AKR1C3: variants seen among roughly 807,000 people sequenced by gnomAD.
AKR1C3 encodes 3-alpha hydroxysteroid dehydrogenase, type II.
A neutral mutation model predicts 43.6 loss-of-function variants in AKR1C3; 48 were observed. The ratio of observed to expected loss-of-function variants is 1.10; its 90% CI spans 0.87 to 1.40. The LOEUF is 1.40. AKR1C3 is among the 40% of genes most tolerant of loss of function. The pLI is 0.00. For missense variants in AKR1C3, 482 were observed against 391.2 expected (o/e 1.23, Z -1.96); for synonymous variants, 162 against 139.6 (o/e 1.16, Z -1.13).
chr10:5,078,638 C>T (rs1180486340), intron 1 of AKR1C3, among the ~76,000 whole-genome samples: 1 of 152,078 alleles, frequency 6.6e-6, no homozygotes. Flanking sequence ...CCGACATATT[C>T]CTCAATATGA....
At chr10:5,106,832 A>G (rs1554787357) in intron 8 of AKR1C3, among the ~76,000 whole-genome samples, 1 of 152,122 alleles carries the variant, frequency 6.6e-6, no homozygotes, top group African/African-American at 2.4e-5. Context: ...GTGTGTGAAA[A>G]AGCATAAGTA....
Position 5,099,450 on chromosome 10 carries a change from G to C in AKR1C3, c.570+1G>C, listed in dbSNP as rs147205859. 1 of 1,614,032 alleles carries C rather than the reference G, an allele frequency of 6.2e-7. No individual in the cohort carries two copies. Among genetic ancestry groups the C allele is most frequent in the Non-Finnish European group, 8.5e-7 (1 of 1,180,024 alleles). Reference sequence around the variant, plus strand: ...CAAGTACAAGCCTGTCTGCAACCAGGTGAGCTCCCTTGGCCTTCTCTCCTT... The same window carrying C: ...CAAGTACAAGCCTGTCTGCAACCAGCTGAGCTCCCTTGGCCTTCTCTCCTT... On this transcript the variant is annotated splice_donor_variant, in intron 5 of 8. Coordinates refer to ENST00000380554, the MANE Select transcript of AKR1C3 (RefSeq NM_003739.6). LOFTEE classifies it high-confidence loss of function.
chr10:5,099,482 C>A (rs782509859), intron 5 of AKR1C3, 33 bp downstream of exon 5: 3 of 1,613,872 alleles, frequency 1.9e-6, no homozygotes, highest in Non-Finnish European at 2.5e-6. Flanking sequence ...CCTTTCGGTT[C>A]TTCATGCCCC....
upstream of AKR1C3, chr10:5,094,307 A>G (rs3763676): frequency 0.29 from 254,918 of 869,958 alleles, 44,687 homozygotes; most frequent in African/African-American, 0.34. Context: ...AAGACTGCCT[A>G]TGTACCTCCT....
chr10:5,068,327 T>A (rs1838551789), intron 1 of AKR1C3, among the ~76,000 whole-genome samples: 1 of 152,158 alleles, frequency 6.6e-6, no homozygotes, highest in Admixed American at 6.5e-5. Context: ...TGTTAAATAA[T>A]CTTGTTTACC....
intron 1 of AKR1C3, among the ~76,000 whole-genome samples, chr10:5,081,398 T>C (rs1045456795): frequency 1.3e-5 from 2 of 152,212 alleles, no homozygotes. Context: ...CATTGACTTA[T>C]GTGGCCAAAA....
intron 1 of AKR1C3, among the ~76,000 whole-genome samples, chr10:5,066,856 C>T (rs2398191): frequency 0.32 from 48,776 of 152,082 alleles, 7,988 homozygotes; most frequent in East Asian, 0.41. Flanking sequence ...TGTTGTTTAA[C>T]TGTAGGCCTT....
intron 1 of AKR1C3, among the ~76,000 whole-genome samples, chr10:5,069,857 A>G (rs1253313324): frequency 6.6e-6 from 1 of 152,002 alleles, no homozygotes; most frequent in Non-Finnish European, 1.5e-5. Flanking sequence ...CTGGGCAATA[A>G]GAGTGAAACT....
At chr10:5,098,758 G>T (rs374563379) in intron 3 of AKR1C3, 44 bp from the exon 4 acceptor site, 5 of 1,545,384 alleles carry the variant, frequency 3.2e-6, no homozygotes, top group Non-Finnish European at 4.5e-6. Context: ...TATGAGTGGA[G>T]AAATTAATTT....
chr10:5,100,857 T>TATA (rs1391004692), intron 5 of AKR1C3, among the ~76,000 whole-genome samples: 196 of 152,344 alleles, frequency 1.3e-3, no homozygotes, highest in African/African-American at 4.5e-3. Flanking sequence ...TCAAAATTGT[T>TATA]AACACTTTGC....
At chr10:5,062,704 A>AT (rs1838404087) in intron 1 of AKR1C3, among the ~76,000 whole-genome samples, 1 of 152,170 alleles carries the variant, frequency 6.6e-6, no homozygotes. Flanking sequence ...CTAAGAAAAA[A>AT]TTTTAAATGT....
At chr10:5,105,732 G>A (rs1187557399) in intron 8 of AKR1C3, 55 bp downstream of exon 8, 11 of 1,408,710 alleles carry the variant, frequency 7.8e-6, no homozygotes, top group East Asian at 7.0e-5. Context: ...AGGAATGTAG[G>A]ATGGGTGTTG....
chr10:5,083,482 G>A lies in AKR1C3; in HGVS notation c.85-12928G>A, dbSNP rs189419015. On this transcript the variant is annotated intron_variant, in intron 1 of 8. Coordinates refer to the AKR1C3 transcript ENST00000439082. ...TTTCTTAATCCAGTCTATCGTTGTT[G>A]GACATTTGGGTTGGTTCCAAGTCTT... 8.0e-3 allele frequency among the ~76,000 whole-genome samples: 1,214 copies of A among 152,246 alleles called. 8 individuals are homozygous for A. Among genetic ancestry groups the A allele is most frequent in the Non-Finnish European group, 0.012 (829 of 68,012 alleles).
upstream of AKR1C3, among the ~76,000 whole-genome samples, chr10:5,092,048 A>G (rs528355171): frequency 6.9e-6 from 1 of 145,310 alleles, no homozygotes. Context: ...TTAAAAAAAA[A>G]TTTTTGCCAA....
intron 1 of AKR1C3, among the ~76,000 whole-genome samples, chr10:5,057,592 C>G (rs1224527456): frequency 2.0e-5 from 3 of 152,182 alleles, no homozygotes; most frequent in Admixed American, 2.0e-4. Flanking sequence ...TCTTCCCTTT[C>G]CTGAGTCATG....
chr10:5,090,698 G>C (rs1374338389), upstream of AKR1C3, among the ~76,000 whole-genome samples: 2 of 152,016 alleles, frequency 1.3e-5, no homozygotes, highest in African/African-American at 4.8e-5. Context: ...AGGACCCCAG[G>C]GAAGTGATCA....
Position 5,096,521 on chromosome 10 carries a change from C to T in AKR1C3, c.196C>T (p.Arg66Ter), listed in dbSNP as rs782405598. ...NNEEQVGLAIRSKIADGSVKR... is the reference protein window; with the variant it reads ...NNEEQVGLAI ...TGAGGAGCAGGTTGGACTGGCCATCCGAAGCAAGATTGCAGATGGCAGTGT... is the reference window on the plus strand; with the variant it reads ...TGAGGAGCAGGTTGGACTGGCCATCTGAAGCAAGATTGCAGATGGCAGTGT... Residue 66 changes from arginine (R) to a stop codon, truncating the protein, a stop_gained, in exon 2 of 9, where the codon CGA becomes TGA. Transcript: ENST00000380554. LOFTEE classifies it high-confidence loss of function. 3.0e-5 allele frequency: 48 copies of T among 1,613,564 alleles called. No individual in the cohort carries two copies. Among genetic ancestry groups the T allele is most frequent in the Admixed American group, 6.7e-5 (4 of 59,966 alleles).
At chr10:5,105,351 T>G in intron 7 of AKR1C3, 1 of 321,166 alleles carries the variant, frequency 3.1e-6, no homozygotes, top group African/African-American at 2.1e-5. Context: ...TCTTCTCCAT[T>G]TTCTGTTGAA....
intron 1 of AKR1C3, among the ~76,000 whole-genome samples, chr10:5,074,655 C>G (rs920342406): frequency 6.6e-6 from 1 of 152,316 alleles, no homozygotes; most frequent in East Asian, 1.9e-4. Context: ...AGAGAAAATT[C>G]TAGCCAGGAA....
Sources: gnomAD v4.1 joint callset for allele counts (sites outside exome capture counted in the v4.1 genomes callset) on GRCh38, gnomAD v4.1.1 for gene constraint, MANE v1.5 for transcripts, NCBI Gene and HGNC (gene_info 2026-07-23, HGNC 2026-07-21) for gene names.